The following PLOD2 variants were observed in gnomAD, a reference collection of about 807,000 sequenced individuals.
PLOD2 encodes the protein procollagen-lysine,2-oxoglutarate 5-dioxygenase 2.
A neutral mutation model predicts 101.0 loss-of-function variants in PLOD2; 65 were observed. That is an observed-to-expected ratio of 0.64 (90% CI 0.53 to 0.79). The LOEUF is 0.79. PLOD2 is among the 30% of genes least tolerant of loss of function. The pLI is 0.00. For synonymous variants in PLOD2, 314 were observed against 302.9 expected (o/e 1.04, Z -0.38); for missense variants, 909 against 914.6 (o/e 0.99, Z 0.08).
intron 7 of PLOD2, among the ~76,000 whole-genome samples, chr3:146,099,048 CTAT>C (rs1937295087): frequency 6.6e-6 from 1 of 151,908 alleles, no homozygotes; most frequent in Non-Finnish European, 1.5e-5. Context: ...AATATAATAT[CTAT>C]AATAAAACTT....
intron 12 of PLOD2, 57 bp from the exon 13 acceptor site, chr3:146,079,314 C>T (rs1365207002): frequency 3.8e-6 from 5 of 1,326,014 alleles, no homozygotes; most frequent in African/African-American, 1.5e-5. Context: ...TTTTAAGTTT[C>T]ATTTTTACCT....
chr3:146,099,967 G>A (rs1937329456), intron 7 of PLOD2, among the ~76,000 whole-genome samples: 5 of 146,808 alleles, frequency 3.4e-5, no homozygotes, highest in African/African-American at 1.0e-4. Flanking sequence ...ACTGCAACCT[G>A]TCTCCCGGGT....
chr3:146,119,464 T>A (rs1334581169), intron 3 of PLOD2, among the ~76,000 whole-genome samples: 1 of 151,978 alleles, frequency 6.6e-6, no homozygotes, highest in Non-Finnish European at 1.5e-5. Context: ...TATTATACTT[T>A]AAGTTTTAGG....
chr3:146,126,026 G>A (rs747173523), intron 1 of PLOD2, among the ~76,000 whole-genome samples: 2 of 152,106 alleles, frequency 1.3e-5, no homozygotes, highest in Admixed American at 1.3e-4. Context: ...TACAATTCCA[G>A]TATAAAGTTA....
intron 11 of PLOD2, among the ~76,000 whole-genome samples, chr3:146,084,923 A>G (rs1183180376): frequency 6.6e-6 from 1 of 152,128 alleles, no homozygotes; most frequent in Non-Finnish European, 1.5e-5. Context: ...CTAGCTTTAA[A>G]CAGAAAAATG....
chr3:146,087,090 T>A (rs1182588798), intron 9 of PLOD2, among the ~76,000 whole-genome samples, 182 bp from the exon 10 acceptor site: 1 of 151,966 alleles, frequency 6.6e-6, no homozygotes, highest in East Asian at 1.9e-4. Context: ...GTCACATGAA[T>A]AATCTTAAAT....
chr3:146,149,951 C>T (rs2031980571), intron 1 of PLOD2, among the ~76,000 whole-genome samples: 1 of 152,108 alleles, frequency 6.6e-6, no homozygotes, highest in Non-Finnish European at 1.5e-5. Context: ...GCAGTGCACA[C>T]CACCATCTTC....
At position 146,156,464 on chromosome 3, in the gene PLOD2, A is replaced by G. The variant is rs143264234; in HGVS notation, c.109+4417T>C. ...TGTGGCTGAGAGCCAATAAAACTTT[A>G]ATTTCATATAATTTTCATGTTTCAT... On this transcript the variant is annotated intron_variant, in intron 1 of 19. Coordinates refer to ENST00000282903, the MANE Select transcript of PLOD2 (RefSeq NM_182943.3). 4.1e-3 allele frequency among the ~76,000 whole-genome samples: 624 copies of G among 152,380 alleles called. 8 individuals are homozygous for G. Among genetic ancestry groups the G allele is most frequent in the African/African-American group, 0.014 (603 of 41,592 alleles).
In PLOD2 at chr3:146,072,495, G is replaced by A. The variant is rs116355501; in HGVS notation, c.1848+66C>T. On this transcript the variant is annotated intron_variant, in intron 17 of 19. Coordinates refer to ENST00000282903, the MANE Select transcript of PLOD2 (RefSeq NM_182943.3). ...ATGAGAAAAAGTATATAACCCCTCC[G>A]AATTCTCTGAGTATCTACTTAACCC... is the stretch of plus-strand genomic sequence containing the variant. 115 of 994,322 alleles carry A rather than the reference G, an allele frequency of 1.2e-4. No individual in the cohort carries two copies. The African/African-American group carries it at 1.2e-3, about 10-fold the overall frequency. The allele number at this position is 994,322 out of a possible 1,614,324, so 61.6% of individuals were successfully genotyped here.
chr3:146,130,951 T>A (rs1348605177), intron 1 of PLOD2, among the ~76,000 whole-genome samples: 6 of 152,192 alleles, frequency 3.9e-5, no homozygotes, highest in Admixed American at 3.9e-4. Flanking sequence ...AGGGTTCCCA[T>A]CATTCCTAGA....
Position 146,161,160 on chromosome 3 carries a change from G to A in PLOD2, c.-171C>T. 2.5e-6 allele frequency: 1 copy of A among 408,054 alleles called. No homozygotes were observed. Among genetic ancestry groups the A allele is most frequent in the East Asian group, 4.2e-5 (1 of 23,818 alleles). The allele number at this position is 408,054 out of a possible 1,614,324, so 25.3% of individuals were successfully genotyped here. A position where few individuals can be genotyped will look rare whatever the true frequency, so the allele number is the denominator to read the frequency against. ...GCGGCGCGTAACGCAGCTGAGTGAG[G>A]TCGTCGGTGGAGGCACGGAGCAGCA... On this transcript the variant is annotated 5_prime_UTR_variant, in exon 1 of 20. Transcript: ENST00000282903.
In PLOD2 at chr3:146,070,859, T is replaced by C. The variant is rs776917428; in HGVS notation, c.2135A>G (p.Lys712Arg). ...VGEDFQGGGC[K>R]FLRYNCSIES... is the part of the protein sequence containing the mutation. ...AATAGAGCAATTGTACCTTAGAAAT[T>C]TGCAACCACCTCCCTAAAAAAGTTA... Residue 712 changes from lysine (K) to arginine (R), a missense_variant, in exon 20 of 20, where the codon AAA becomes AGA. By Grantham distance (26) the Lys-to-Arg change is conservative. Coordinates refer to ENST00000282903, the MANE Select transcript of PLOD2 (RefSeq NM_182943.3). The C allele has an allele frequency of 6.2e-7, 1 of 1,609,602 alleles. No homozygotes were observed.
chr3:146,090,743 A>G (rs1210792635), intron 8 of PLOD2, among the ~76,000 whole-genome samples: 2 of 151,872 alleles, frequency 1.3e-5, no homozygotes, highest in African/African-American at 2.4e-5. Flanking sequence ...TAAGAATAGA[A>G]ACTATTTAAT....
At chr3:146,092,699 G>A (rs1937017118) in intron 7 of PLOD2, among the ~76,000 whole-genome samples, 1 of 152,030 alleles carries the variant, frequency 6.6e-6, no homozygotes, top group Admixed American at 6.6e-5. Context: ...GTGTTTTGGG[G>A]AGGGGTGGTG....
chr3:146,129,299 C>T (rs953132697), intron 1 of PLOD2, among the ~76,000 whole-genome samples: 1 of 152,032 alleles, frequency 6.6e-6, no homozygotes, highest in Non-Finnish European at 1.5e-5. Flanking sequence ...TTGATTTTTT[C>T]CTTATTTTTT....
chr3:146,084,761 T>C (rs1936696988), intron 11 of PLOD2, among the ~76,000 whole-genome samples: 1 of 152,078 alleles, frequency 6.6e-6, no homozygotes, highest in African/African-American at 2.4e-5. Flanking sequence ...GTGGGATGAT[T>C]TGTACCTCTG....
intron 1 of PLOD2, among the ~76,000 whole-genome samples, chr3:146,127,892 G>T (rs2030670014): frequency 6.6e-6 from 1 of 152,086 alleles, no homozygotes; most frequent in African/African-American, 2.4e-5. Context: ...AAAGAAAAGG[G>T]AACACTTACA....
At chr3:146,153,406 TA>T (rs2032157825) in intron 1 of PLOD2, among the ~76,000 whole-genome samples, 1 of 152,198 alleles carries the variant, frequency 6.6e-6, no homozygotes, top group Non-Finnish European at 1.5e-5. Context: ...TTAAAAGACC[TA>T]AATGTTACTG....
intron 14 of PLOD2, chr3:146,077,107 A>T: frequency 8.3e-7 from 1 of 1,207,952 alleles, no homozygotes. Flanking sequence ...AGTAGATAGC[A>T]CTGACACTCA....
Sources: allele counts gnomAD v4.1 joint callset (sites outside exome capture counted in the v4.1 genomes callset), GRCh38; gene constraint gnomAD v4.1.1; transcripts MANE v1.5; gene names NCBI Gene and HGNC (gene_info 2026-07-23, HGNC 2026-07-21).